Variants in GLRA2 observed in about 807,000 individuals in gnomAD.
GLRA2 encodes the protein glycine receptor alpha 2.
A neutral mutation model predicts 31.6 loss-of-function variants in GLRA2; 11 were observed. That is an observed-to-expected ratio of 0.35 (90% CI 0.22 to 0.58). The LOEUF (loss-of-function observed/expected upper bound fraction) is 0.58. GLRA2 is among the 20% of genes least tolerant of loss of function. GLRA2 has a pLI of 0.84. For synonymous variants in GLRA2, 132 were observed against 134.0 expected, an observed-to-expected ratio of 0.99 and a Z score of 0.10; for missense variants, 212 against 351.8, an observed-to-expected ratio of 0.60 and a Z score of 3.18.
intron 7 of GLRA2, among the ~76,000 whole-genome samples, chrX:14,684,657 A>T (rs1445569053): frequency 8.9e-6 from 1 of 111,945 alleles, no homozygotes; most frequent in East Asian, 2.8e-4. Context: ...ATTTTTGCAC[A>T]TTGATTTTGT....
chrX:14,707,533 A>C (rs1320546881), intron 8 of GLRA2, among the ~76,000 whole-genome samples: 1 of 109,848 alleles, frequency 9.1e-6, no homozygotes, highest in Non-Finnish European at 1.9e-5. Flanking sequence ...TAGTGAGCTT[A>C]GAACCTGATA....
At chrX:14,557,660 A>G (rs2089669651) in intron 2 of GLRA2, among the ~76,000 whole-genome samples, 1 of 111,260 alleles carries the variant, frequency 9.0e-6, no homozygotes, top group Admixed American at 9.6e-5. Context: ...TCAACTGGGG[A>G]GATTTTGTCT....
chrX:14,603,509 C>G (rs1361178813), intron 4 of GLRA2, among the ~76,000 whole-genome samples: 1 of 111,294 alleles, frequency 9.0e-6, no homozygotes, highest in Non-Finnish European at 1.9e-5. Context: ...GAAACTGGAT[C>G]CTCATCTCTC....
the GLRA2 span, among the ~76,000 whole-genome samples, chrX:14,510,921 T>C: frequency 9.0e-6 from 1 of 110,683 alleles, no homozygotes; most frequent in Non-Finnish European, 1.9e-5. Flanking sequence ...TTTTTTTTTA[T>C]TTATTTTTAT....
At chrX:14,484,789 T>C in the GLRA2 span, among the ~76,000 whole-genome samples, 1 of 111,823 alleles carries the variant, frequency 8.9e-6, no homozygotes, top group Non-Finnish European at 1.9e-5. Flanking sequence ...AATAAGGTCA[T>C]ATCAAGCCAC....
At position 14,690,863 on chromosome X, in the gene GLRA2, T is replaced by TG. The variant is rs751261001; in HGVS notation, c.1080+5dup. 85 of 1,206,661 alleles carry TG rather than the reference T, an allele frequency of 7.0e-5. No homozygotes were observed. Among genetic ancestry groups the TG allele is most frequent in the Non-Finnish European group, 9.3e-5 (83 of 892,819 alleles). ...AAGACAGAAGAGGCAGAATAAGGTA[T>TG]GATTGCCCCTCAGTTCAGACAATGT... On this transcript the variant is annotated splice_donor_region_variant and intron_variant, in intron 8 of 8. Transcript: ENST00000218075.
intron 7 of GLRA2, among the ~76,000 whole-genome samples, chrX:14,671,890 T>C (rs1350360789): frequency 8.9e-6 from 1 of 112,593 alleles, no homozygotes; most frequent in Non-Finnish European, 1.9e-5. Flanking sequence ...TATCAGATGA[T>C]ACTGAAAGTG....
At chrX:14,724,300 C>T (rs951687032) in intron 8 of GLRA2, among the ~76,000 whole-genome samples, 4 of 110,968 alleles carry the variant, frequency 3.6e-5, no homozygotes, top group African/African-American at 1.3e-4. Context: ...GTACCTGGCA[C>T]ATAATAGGTA....
At chrX:14,671,592 G>A (rs2091093855) in intron 7 of GLRA2, among the ~76,000 whole-genome samples, 1 of 111,722 alleles carries the variant, frequency 9.0e-6, no homozygotes, top group Non-Finnish European at 1.9e-5. Flanking sequence ...TTCCATGGTT[G>A]AGGACTGCCC....
intron 3 of GLRA2, 60 bp downstream of exon 3, chrX:14,574,460 A>T: frequency 8.5e-7 from 1 of 1,171,819 alleles, no homozygotes; most frequent in Non-Finnish European, 1.2e-6. Flanking sequence ...TGTGAACACA[A>T]ACTGTCAAAT....
intron 8 of GLRA2, among the ~76,000 whole-genome samples, chrX:14,694,677 T>A (rs2091414662): frequency 8.9e-6 from 1 of 112,257 alleles, no homozygotes; most frequent in Non-Finnish European, 1.9e-5. Flanking sequence ...ATTCTTTCAT[T>A]TGTTCCACAA....
intron 7 of GLRA2, among the ~76,000 whole-genome samples, chrX:14,685,020 C>T (rs2091259803): frequency 9.0e-6 from 1 of 111,364 alleles, no homozygotes; most frequent in Non-Finnish European, 1.9e-5. Context: ...GAGTTTTTAG[C>T]ATGAAGGGTT....
At chrX:14,488,388 GT>G in the GLRA2 span, among the ~76,000 whole-genome samples, 1 of 112,148 alleles carries the variant, frequency 8.9e-6, no homozygotes, top group Admixed American at 9.5e-5. Context: ...AGTTAGAGAA[GT>G]CACAGTCTGC....
intron 8 of GLRA2, among the ~76,000 whole-genome samples, chrX:14,721,687 T>A (rs1203541679): frequency 9.0e-6 from 1 of 111,534 alleles, no homozygotes; most frequent in African/African-American, 3.3e-5. Context: ...AGGCCTGTTC[T>A]GATTTGAGGA....
At chrX:14,577,400 A>G (rs2089968714) in intron 3 of GLRA2, among the ~76,000 whole-genome samples, 1 of 113,079 alleles carries the variant, frequency 8.8e-6, no homozygotes, top group East Asian at 2.8e-4. Context: ...TCCAACAAGA[A>G]AGGGCCTCAT....
Position 14,682,055 on chromosome X carries a change from G to A in GLRA2, c.931-8655G>A, listed in dbSNP as rs192260901. ...TAAAATTGTAAGTTGAGTGAGATGAGGGACATCTTCCATGTAAAAAGTGGG... is the reference window on the plus strand; with the variant it reads ...TAAAATTGTAAGTTGAGTGAGATGAAGGACATCTTCCATGTAAAAAGTGGG... On this transcript the variant is annotated intron_variant, in intron 7 of 8. Coordinates refer to ENST00000218075, the MANE Select transcript of GLRA2 (RefSeq NM_002063.4). Among the ~76,000 whole-genome samples the A allele has an allele frequency of 6.8e-5, 7 of 102,446 alleles. No homozygotes were observed. In the South Asian group the frequency reaches 1.3e-3, roughly 20 times the overall value. 89.0% of individuals were successfully genotyped at this position (102,446 alleles called of 115,157 possible).
At chrX:14,691,723 T>C (rs984654142) in intron 8 of GLRA2, among the ~76,000 whole-genome samples, 5 of 112,054 alleles carry the variant, frequency 4.5e-5, no homozygotes, top group African/African-American at 6.5e-5. Flanking sequence ...TTCTGGTTTA[T>C]AACCCAATCT....
At chrX:14,573,299 T>C (rs1347157633) in intron 2 of GLRA2, among the ~76,000 whole-genome samples, 1 of 111,659 alleles carries the variant, frequency 9.0e-6, no homozygotes, top group Non-Finnish European at 1.9e-5. Context: ...AGTGCTGCCA[T>C]AACTTGTGTT....
At chrX:14,578,722 T>C (rs1218717393) in intron 3 of GLRA2, among the ~76,000 whole-genome samples, 1 of 112,196 alleles carries the variant, frequency 8.9e-6, no homozygotes, top group African/African-American at 3.2e-5. Flanking sequence ...TTTCCTGATA[T>C]AAAGGCATGG....
Sources: allele counts gnomAD v4.1 joint callset (sites outside exome capture counted in the v4.1 genomes callset), GRCh38; gene constraint gnomAD v4.1.1; transcripts MANE v1.5; gene names NCBI Gene and HGNC (gene_info 2026-07-23, HGNC 2026-07-21).